The following ASTN1 variants were observed in gnomAD, a reference collection of about 807,000 sequenced individuals.
ASTN1 encodes the protein astrotactin 1, also known as astrotactin-1.
A neutral mutation model predicts 140.7 loss-of-function variants in ASTN1; 41 were observed. The ratio of observed to expected loss-of-function variants is 0.29; its 90% confidence interval spans 0.23 to 0.38. ASTN1 has a LOEUF of 0.38. Among genes scored for constraint, ASTN1 ranks in the 10% least tolerant of loss-of-function variants. The pLI, the probability that ASTN1 is intolerant of heterozygous loss-of-function variation, is 1.00. For synonymous variants in ASTN1, 640 were observed against 652.2 expected, an observed-to-expected ratio of 0.98 and a Z score of 0.29; for missense variants, 1,479 against 1,678.8, an observed-to-expected ratio of 0.88 and a Z score of 2.08.
chr1:177,050,656 CTT>C (rs1255787134), intron 2 of ASTN1, among the ~76,000 whole-genome samples: 1 of 152,184 alleles, frequency 6.6e-6, no homozygotes, highest in Non-Finnish European at 1.5e-5. Flanking sequence ...ATTTAACAAA[CTT>C]TAGCAGATAC....
chr1:177,009,602 T>C (rs1646294331), intron 8 of ASTN1, among the ~76,000 whole-genome samples: 2 of 152,186 alleles, frequency 1.3e-5, no homozygotes, highest in Admixed American at 6.5e-5. Context: ...AGTATGCACC[T>C]GGGACAATGA....
rs11587640 is a variant in ASTN1 at position 177,032,498 on chromosome 1, G to T, written c.823C>A (p.Leu275Met). 6.2e-7 allele frequency: 1 copy of T among 1,614,106 alleles called. No homozygotes were observed. Among genetic ancestry groups the T allele is most frequent in the Non-Finnish European group, 8.5e-7 (1 of 1,180,022 alleles). ...ASQVTRTLDS[L>M]QGCNEKSGMD... The stretch of plus-strand genomic sequence containing the variant: ...CCCGACTTTTCATTGCAGCCCTGCA[G>T]GGAGTCGAGGGTGCGCGTGACCTGG... Residue 275 changes from leucine (L) to methionine (M), a missense_variant, in exon 3 of 23, where the codon CTG (leucine) becomes ATG (methionine). Transcript: ENST00000361833.
chr1:176,952,062 G>A (rs980979507), intron 11 of ASTN1, among the ~76,000 whole-genome samples: 4 of 152,040 alleles, frequency 2.6e-5, no homozygotes, highest in East Asian at 1.9e-4. Flanking sequence ...CATCTACTCC[G>A]CCATGCTGCT....
rs1407776130 is a variant in ASTN1 at position 176,901,784 on chromosome 1, A to G, written c.2672-6954T>C. ...GTAAACACACCTTTCTTTGGGATTA[A>G]ATAATGGAAAAACTAGTGGTTCACA... On this transcript the variant is annotated intron_variant, in intron 16 of 22. Transcript: ENST00000361833. Among the ~76,000 whole-genome samples, 5 of 151,430 alleles carry G rather than the reference A, an allele frequency of 3.3e-5. No homozygotes were observed. The East Asian group carries it at 9.7e-4, about 29-fold the overall frequency.
chr1:177,067,264 G>T (rs1057414360), intron 1 of ASTN1, among the ~76,000 whole-genome samples: 5 of 152,094 alleles, frequency 3.3e-5, no homozygotes, highest in African/African-American at 1.2e-4. Flanking sequence ...GAAAGGAAAA[G>T]AGGCATCTCT....
chr1:176,897,274 C>CAAAA (rs56828059), intron 16 of ASTN1, among the ~76,000 whole-genome samples: 39 of 44,048 alleles, frequency 8.9e-4, no homozygotes, highest in South Asian at 2.2e-3. Context: ...GACTCCGTCT[C>CAAAA]AAAAAAAAAA....
intron 14 of ASTN1, among the ~76,000 whole-genome samples, chr1:176,936,818 G>A (rs1478306013): frequency 1.3e-5 from 2 of 152,160 alleles, no homozygotes; most frequent in African/African-American, 4.8e-5. Context: ...AGGCTTAACT[G>A]AGATGACCCC....
intron 13 of ASTN1, among the ~76,000 whole-genome samples, chr1:176,944,673 G>A (rs950287166): frequency 6.6e-5 from 10 of 152,188 alleles, no homozygotes; most frequent in African/African-American, 2.4e-4. Flanking sequence ...TGAGGGCTGC[G>A]GAAATGGGAA....
rs192825378 is a variant in ASTN1, at chr1:176,861,301, G to A, written c.*2983C>T. ...GAACGGACCAAACTCCATGGAAAACGATTGCACACTCAATTAAAAGTCTAA... is the reference window on the plus strand; with the variant it reads ...GAACGGACCAAACTCCATGGAAAACAATTGCACACTCAATTAAAAGTCTAA... On this transcript the variant is annotated 3_prime_UTR_variant, in exon 23 of 23. Transcript: ENST00000361833. The A allele has an allele frequency of 3.4e-4, 332 of 985,668 alleles. 1 individual carries two copies. In the African/African-American group the frequency reaches 5.0e-3, roughly 15 times the overall value. 61.1% of individuals were successfully genotyped at this position (985,668 alleles called of 1,614,324 possible).
At chr1:177,033,820 A>G (rs2861884) in intron 2 of ASTN1, among the ~76,000 whole-genome samples, 79,316 of 151,872 alleles carry the variant, frequency 0.52, 21,522 homozygotes, top group Non-Finnish European at 0.6. Context: ...GAGGATGCAG[A>G]ACTCAGTGAG....
At position 176,997,071 on chromosome 1, in the gene ASTN1, A is replaced by G. The variant is rs170592; in HGVS notation, c.1523+17720T>C. Among the ~76,000 whole-genome samples the G allele has an allele frequency of 1.2e-3, 187 of 152,308 alleles. 2 individuals carry two copies. Among genetic ancestry groups the G allele is most frequent in the African/African-American group, 4.3e-3 (179 of 41,570 alleles). ...TGCAGGACTTCCCTCCTGAAAACCA[A>G]TTCCCTGACAGGGGTTACAATGCAT... On this transcript the variant is annotated intron_variant, in intron 8 of 22. Transcript: ENST00000361833.
intron 16 of ASTN1, among the ~76,000 whole-genome samples, chr1:176,915,866 A>G (rs1356214436): frequency 1.3e-5 from 2 of 152,210 alleles, no homozygotes; most frequent in Admixed American, 6.5e-5. Context: ...TGTTAAATTT[A>G]GAATTAAAAC....
intron 2 of ASTN1, among the ~76,000 whole-genome samples, chr1:177,049,339 T>C (rs1488364480): frequency 6.6e-6 from 1 of 152,224 alleles, no homozygotes; most frequent in African/African-American, 2.4e-5. Flanking sequence ...CTAATCTGTA[T>C]TGAAATAATC....
chr1:177,082,107 A>G (rs2102078411), intron 1 of ASTN1, among the ~76,000 whole-genome samples: 1 of 152,272 alleles, frequency 6.6e-6, no homozygotes, highest in Admixed American at 6.5e-5. Flanking sequence ...AGGAAAATTT[A>G]AACGGACCTT....
intron 19 of ASTN1, 118 bp from the exon 20 acceptor site, chr1:176,883,112 A>G: frequency 2.2e-5 from 30 of 1,387,062 alleles, no homozygotes; most frequent in Non-Finnish European, 3.0e-5. Context: ...CAATCTCTAG[A>G]GTAGAGAAGG....
At chr1:177,075,490 G>A (rs1678850262) in intron 1 of ASTN1, among the ~76,000 whole-genome samples, 1 of 151,592 alleles carries the variant, frequency 6.6e-6, no homozygotes, top group Non-Finnish European at 1.5e-5. Context: ...GTCATTTAAA[G>A]GAAGAATGAT....
chr1:176,932,445 A>G (rs1243393587), intron 16 of ASTN1, among the ~76,000 whole-genome samples: 1 of 152,188 alleles, frequency 6.6e-6, no homozygotes, highest in Non-Finnish European at 1.5e-5. Flanking sequence ...ACTAAGGAGG[A>G]GAAATATATT....
In ASTN1 at chr1:177,061,062, G is replaced by A; in HGVS notation, c.471+16C>T. On this transcript the variant is annotated intron_variant, in intron 2 of 22. Coordinates refer to ENST00000361833, the MANE Select transcript of ASTN1 (RefSeq NM_004319.3). ...ATAAGCTATGGCCTGAGAGGCTAAG[G>A]CTGTTCTGCTCTTACCATGACTGAG... 1 of 1,557,828 alleles carries A rather than the reference G, an allele frequency of 6.4e-7. No individual in the cohort carries two copies. Among genetic ancestry groups the A allele is most frequent in the Non-Finnish European group, 8.7e-7 (1 of 1,151,162 alleles).
intron 8 of ASTN1, 25 bp downstream of exon 8, chr1:177,014,766 G>C (rs1316114374): frequency 1.3e-6 from 2 of 1,592,448 alleles, no homozygotes; most frequent in Non-Finnish European, 1.7e-6. Flanking sequence ...GTGGGAACCA[G>C]CTAAGTCGTC....
Sources: allele counts gnomAD v4.1 joint callset (sites outside exome capture counted in the v4.1 genomes callset), GRCh38; gene constraint gnomAD v4.1.1; transcripts MANE v1.5; gene names NCBI Gene and HGNC (gene_info 2026-07-23, HGNC 2026-07-21).